Variants in TP63 observed in about 807,000 individuals in gnomAD.
TP63 encodes the protein tumor protein p63.
TP63 carries 17 observed loss-of-function variants against 82.8 expected under a neutral mutation model. The ratio of observed to expected loss-of-function variants is 0.21; its 90% CI spans 0.14 to 0.31. The LOEUF (loss-of-function observed/expected upper bound fraction) is 0.31. Among genes scored for constraint, TP63 ranks in the 10% least tolerant of loss-of-function variants. TP63 has a pLI of 1.00. For missense variants in TP63, 648 were observed against 895.3 expected (o/e 0.72, Z 3.52); for synonymous variants, 330 against 321.7 (o/e 1.03, Z -0.28).
In TP63 at chr3:189,767,392, GA is replaced by G. The variant is rs201164660; in HGVS notation, c.324+28623del. On this transcript the variant is annotated intron_variant, in intron 3 of 13. Transcript: ENST00000264731. Reference sequence around the variant, plus strand: ...TTTGTGGTTTGAATTCATTGAAGGGGAAAAACCAGTAAACATGTACCAATCT... The same window carrying G: ...TTTGTGGTTTGAATTCATTGAAGGGGAAAACCAGTAAACATGTACCAATCT... 3.9e-3 allele frequency among the ~76,000 whole-genome samples: 592 copies of G among 152,190 alleles called. 3 individuals are homozygous for G. Among genetic ancestry groups the G allele is most frequent in the East Asian group, 0.031 (159 of 5,170 alleles).
chr3:189,786,942 T>C lies in TP63; in HGVS notation c.325-21330T>C, dbSNP rs1455198949. Among the ~76,000 whole-genome samples the C allele has an allele frequency of 2.0e-5, 3 of 152,098 alleles. No homozygotes were observed. In the East Asian group the frequency reaches 5.8e-4, roughly 29 times the overall value. Reference sequence around the variant, plus strand: ...AGCATTGTTGTTGAGTGCAGAGAATTGTTACTTCTTTGTAACCTGCTTAAA... The same window carrying C: ...AGCATTGTTGTTGAGTGCAGAGAATCGTTACTTCTTTGTAACCTGCTTAAA... On this transcript the variant is annotated intron_variant, in intron 3 of 13. Coordinates refer to ENST00000264731, the MANE Select transcript of TP63 (RefSeq NM_003722.5).
chr3:189,841,249 C>CG (rs1376802522), intron 4 of TP63, among the ~76,000 whole-genome samples: 3 of 152,188 alleles, frequency 2.0e-5, no homozygotes, highest in Non-Finnish European at 4.4e-5. Flanking sequence ...AAGTAGTTTA[C>CG]TTAAGTCTCT....
chr3:189,859,222 C>T (rs1716699147), intron 4 of TP63, among the ~76,000 whole-genome samples: 2 of 152,136 alleles, frequency 1.3e-5, no homozygotes, highest in Admixed American at 1.3e-4. Flanking sequence ...CAAAACATCA[C>T]ATTTTACCTA....
rs138329696 is a variant in TP63, at chr3:189,764,781, G to T, written c.324+26007G>T. On this transcript the variant is annotated intron_variant, in intron 3 of 13. Transcript: ENST00000264731. ...TTTCTCACCACACACTCTTGAAGAG[G>T]TAGAAAGAGCCCAGGTATTTTAAAA... Among the ~76,000 whole-genome samples, 770 of 152,284 alleles carry T rather than the reference G, an allele frequency of 5.1e-3. 5 individuals are homozygous for T. The highest frequency in any genetic ancestry group is 5.4e-3 in the Admixed American group (83 of 15,294).
chr3:189,714,676 C>T (rs1257078054), intron 1 of TP63, among the ~76,000 whole-genome samples: 1 of 152,078 alleles, frequency 6.6e-6, no homozygotes, highest in Non-Finnish European at 1.5e-5. Context: ...CCAAAATTCT[C>T]TCAAATATGA....
At chr3:189,667,930 A>T (rs1714544630) in intron 1 of TP63, among the ~76,000 whole-genome samples, 1 of 152,106 alleles carries the variant, frequency 6.6e-6, no homozygotes, top group Non-Finnish European at 1.5e-5. Context: ...CTACAGCTTT[A>T]ATCATAAAAT....
intron 11 of TP63, among the ~76,000 whole-genome samples, chr3:189,888,634 A>G (rs1720704268): frequency 6.6e-6 from 1 of 152,234 alleles, no homozygotes; most frequent in Non-Finnish European, 1.5e-5. Flanking sequence ...ACATGAAGGC[A>G]AAATTCATTT....
the TP63 span, among the ~76,000 whole-genome samples, chr3:189,622,288 C>T: frequency 3.3e-5 from 5 of 152,152 alleles, no homozygotes; most frequent in South Asian, 6.2e-4. Flanking sequence ...ACCATGCATA[C>T]GTAGGACTCT....
At chr3:189,832,063 C>T (rs993815314) in intron 4 of TP63, among the ~76,000 whole-genome samples, 1 of 151,914 alleles carries the variant, frequency 6.6e-6, no homozygotes, top group African/African-American at 2.4e-5. Context: ...AACGCCTGAC[C>T]TCATCATCCA....
At chr3:189,646,068 G>A (rs1712401578) in intron 1 of TP63, among the ~76,000 whole-genome samples, 1 of 147,280 alleles carries the variant, frequency 6.8e-6, no homozygotes. Flanking sequence ...TGAGAAGCAT[G>A]GATCTAATCC....
chr3:189,884,780 T>C (rs1720267674), intron 10 of TP63, among the ~76,000 whole-genome samples: 1 of 152,226 alleles, frequency 6.6e-6, no homozygotes, highest in African/African-American at 2.4e-5. Context: ...TTAATTTACA[T>C]TAATTGACAT....
At chr3:189,892,095 GTAT>G (rs1721083272) in intron 13 of TP63, among the ~76,000 whole-genome samples, 1 of 152,152 alleles carries the variant, frequency 6.6e-6, no homozygotes, top group Admixed American at 6.5e-5. Context: ...GTAAGTTCCA[GTAT>G]TATTCTGATA....
intron 1 of TP63, among the ~76,000 whole-genome samples, chr3:189,633,403 C>T (rs1248631282): frequency 2.0e-5 from 3 of 152,044 alleles, no homozygotes; most frequent in South Asian, 2.1e-4. Context: ...CTGAAAGGCC[C>T]CAGCGTGTGT....
intron 4 of TP63, among the ~76,000 whole-genome samples, chr3:189,840,367 T>TTTTTTTTTTTTTTTTTTTTA (rs1713871198): frequency 6.9e-6 from 1 of 145,540 alleles, no homozygotes; most frequent in Non-Finnish European, 1.5e-5. Flanking sequence ...GTCTTTTTTT[T>TTTTTTTTTTTTTTTTTTTTA]TTTTTTTTTT....
the TP63 span, among the ~76,000 whole-genome samples, chr3:189,603,136 A>G: frequency 6.6e-6 from 1 of 152,192 alleles, no homozygotes; most frequent in East Asian, 1.9e-4. Flanking sequence ...AACCAGTTAT[A>G]TAGTGGGACA....
intron 9 of TP63, among the ~76,000 whole-genome samples, chr3:189,872,356 G>A (rs1022010352): frequency 5.9e-5 from 9 of 151,268 alleles, no homozygotes; most frequent in African/African-American, 2.2e-4. Flanking sequence ...CATCAGACTC[G>A]TGGCCAATTA....
At chr3:189,808,609 C>T (rs1194605407) in intron 4 of TP63, 83 bp downstream of exon 4, 1 of 1,602,024 alleles carries the variant, frequency 6.2e-7, no homozygotes, top group African/African-American at 1.3e-5. Flanking sequence ...CTCCCCCTTC[C>T]CAGTTTAGCG....
intron 4 of TP63, among the ~76,000 whole-genome samples, chr3:189,823,136 T>G (rs1728968205): frequency 6.6e-6 from 1 of 152,132 alleles, no homozygotes. Flanking sequence ...GAGAGTAGAC[T>G]CTCCAGACAG....
chr3:189,756,252 G>A (rs4532112), intron 3 of TP63, among the ~76,000 whole-genome samples: 54,065 of 151,982 alleles, frequency 0.36, 10,190 homozygotes, highest in East Asian at 0.68. Context: ...AATTAAACAA[G>A]TAAGAAAATA....
Sources: allele counts gnomAD v4.1 joint callset (sites outside exome capture counted in the v4.1 genomes callset), GRCh38; gene constraint gnomAD v4.1.1; transcripts MANE v1.5; gene names NCBI Gene and HGNC (gene_info 2026-07-23, HGNC 2026-07-21).